Variants in CSMD1 observed in about 807,000 individuals in gnomAD.
The protein encoded by CSMD1 is CUB and Sushi multiple domains 1, also known as CUB and sushi domain-containing protein 1.
Under a neutral mutation model 417.5 loss-of-function variants are expected in CSMD1, and 213 were observed. That is an observed-to-expected ratio of 0.51 (90% confidence interval 0.46 to 0.57). The LOEUF is 0.57. Ranked by LOEUF, CSMD1 falls within the 20% of genes least tolerant of loss-of-function variation. The pLI is 0.00. For missense variants in CSMD1, 6,923 were observed against 4,529.7 expected (o/e 1.53, Z -15.17); for synonymous variants, 2,862 against 1,736.8 (o/e 1.65, Z -16.11).
At chr8:4,244,464 G>C (rs1332944923) in intron 3 of CSMD1, among the ~76,000 whole-genome samples, 3 of 152,074 alleles carry the variant, frequency 2.0e-5, no homozygotes, top group Non-Finnish European at 4.4e-5. Flanking sequence ...AAAAGCCAAA[G>C]TTATAAATGT....
intron 10 of CSMD1, among the ~76,000 whole-genome samples, chr8:3,551,168 G>C (rs1366942414): frequency 3.9e-5 from 6 of 152,128 alleles, no homozygotes; most frequent in Admixed American, 3.9e-4. Context: ...TGTAGCCTAT[G>C]GCATAGGGCG....
At chr8:3,437,756 T>C (rs1032784653) in intron 12 of CSMD1, among the ~76,000 whole-genome samples, 18 of 150,878 alleles carry the variant, frequency 1.2e-4, no homozygotes, top group Admixed American at 4.0e-4. Flanking sequence ...TATCTTTTCT[T>C]TTTTTTTTTG....
intron 1 of CSMD1, among the ~76,000 whole-genome samples, chr8:4,812,287 G>A (rs973630538): frequency 1.3e-5 from 2 of 152,120 alleles, no homozygotes; most frequent in African/African-American, 4.8e-5. Context: ...GGGAGGTGGG[G>A]GTTTTTCTCC....
At chr8:3,873,889 C>T (rs373661638) in intron 5 of CSMD1, among the ~76,000 whole-genome samples, 8 of 152,092 alleles carry the variant, frequency 5.3e-5, no homozygotes, top group Non-Finnish European at 7.4e-5. Context: ...ACTGGCTGAA[C>T]TGGGGGAGGT....
intron 2 of CSMD1, among the ~76,000 whole-genome samples, chr8:4,439,575 ATATTTCTT>A (rs1798344132): frequency 6.6e-6 from 1 of 152,164 alleles, no homozygotes; most frequent in East Asian, 1.9e-4. Context: ...CTGAAAATAC[ATATTTCTT>A]TATTATTAAC....
chr8:4,897,362 G>T (rs186588571), intron 1 of CSMD1, among the ~76,000 whole-genome samples: 161 of 152,122 alleles, frequency 1.1e-3, no homozygotes, highest in South Asian at 1.9e-3. Context: ...GGCCATGGGC[G>T]AGTGGGGTAC....
intron 1 of CSMD1, among the ~76,000 whole-genome samples, chr8:4,666,354 G>C (rs943727165): frequency 9.8e-5 from 15 of 152,296 alleles, no homozygotes; most frequent in Non-Finnish European, 1.5e-4. Flanking sequence ...TAACATGGAA[G>C]AGGGAGGCAG....
At chr8:3,877,961 A>G (rs576800432) in intron 5 of CSMD1, among the ~76,000 whole-genome samples, 11 of 152,068 alleles carry the variant, frequency 7.2e-5, no homozygotes, top group Admixed American at 4.6e-4. Flanking sequence ...AAGGTCATGC[A>G]AAGTTTTTTT....
intron 17 of CSMD1, 85 bp downstream of exon 17, chr8:3,396,109 T>A: frequency 8.5e-7 from 1 of 1,176,810 alleles, no homozygotes; most frequent in Non-Finnish European, 1.2e-6. Flanking sequence ...AGCACAGTCA[T>A]CTGCAGGCTG....
chr8:3,345,592 A>AT (rs1045673914), intron 22 of CSMD1, among the ~76,000 whole-genome samples: 26 of 152,210 alleles, frequency 1.7e-4, no homozygotes, highest in African/African-American at 6.3e-4. Flanking sequence ...TCCTAGTTAT[A>AT]TTTTTTCACC....
At chr8:3,810,334 G>A (rs1800996920) in intron 5 of CSMD1, among the ~76,000 whole-genome samples, 2 of 152,322 alleles carry the variant, frequency 1.3e-5, no homozygotes, top group African/African-American at 4.8e-5. Context: ...CACTGGGAAA[G>A]AAATAGTGCT....
intron 41 of CSMD1, among the ~76,000 whole-genome samples, chr8:3,119,691 C>G (rs1817084810): frequency 6.6e-6 from 1 of 152,178 alleles, no homozygotes; most frequent in African/African-American, 2.4e-5. Flanking sequence ...GCAGTAGAAG[C>G]CCTCTCTAGC....
chr8:4,214,844 A>G (rs1800537295), intron 3 of CSMD1, among the ~76,000 whole-genome samples: 1 of 152,182 alleles, frequency 6.6e-6, no homozygotes, highest in Non-Finnish European at 1.5e-5. Context: ...TAAAAAAACT[A>G]TGACCACCAG....
intron 3 of CSMD1, among the ~76,000 whole-genome samples, chr8:4,034,411 G>C (rs72624061): frequency 0.15 from 22,678 of 152,156 alleles, 2,410 homozygotes; most frequent in East Asian, 0.39. Context: ...ACAGAAAATA[G>C]TTCACTATTG....
intron 3 of CSMD1, among the ~76,000 whole-genome samples, chr8:4,108,798 A>G (rs1219073608): frequency 6.6e-6 from 1 of 151,966 alleles, no homozygotes; most frequent in Non-Finnish European, 1.5e-5. Context: ...CTAAAGCACA[A>G]GCTCCTAAGT....
chr8:3,572,222 C>T lies in CSMD1; in HGVS notation c.1344+2723G>A, dbSNP rs1323493462. Among the ~76,000 whole-genome samples, 3 of 152,114 alleles carry T rather than the reference C, an allele frequency of 2.0e-5. No individual in the cohort carries two copies. The East Asian group carries it at 5.8e-4, about 30-fold the overall frequency. ...GGGCGGTGGGAGCCCCCTCTCAGTC[C>T]AAGTGGGGCTGTGTCAAAAGGAGGA... On this transcript the variant is annotated intron_variant, in intron 10 of 69. Coordinates refer to ENST00000635120, the MANE Select transcript of CSMD1 (RefSeq NM_033225.6).
chr8:3,751,391 T>A (rs1312471605), intron 6 of CSMD1, among the ~76,000 whole-genome samples: 2 of 147,858 alleles, frequency 1.4e-5, no homozygotes, highest in Non-Finnish European at 3.0e-5. Flanking sequence ...ATATTTCTTA[T>A]ATAAATATAA....
At chr8:3,463,400 G>A (rs75352737) in intron 12 of CSMD1, among the ~76,000 whole-genome samples, 5,158 of 152,260 alleles carry the variant, frequency 0.034, 156 homozygotes, top group East Asian at 0.15. Context: ...TGAAAAAGGA[G>A]GTACACATTA....
intron 3 of CSMD1, among the ~76,000 whole-genome samples, chr8:4,303,768 G>A (rs1195074356): frequency 6.6e-6 from 1 of 151,936 alleles, no homozygotes; most frequent in Non-Finnish European, 1.5e-5. Flanking sequence ...CGATTCTCCT[G>A]CCTCAGCCTC....
Sources: allele counts gnomAD v4.1 joint callset (sites outside exome capture counted in the v4.1 genomes callset), GRCh38; gene constraint gnomAD v4.1.1; transcripts MANE v1.5; gene names NCBI Gene and HGNC (gene_info 2026-07-23, HGNC 2026-07-21).